The following RIMS2 variants were observed in gnomAD, a reference collection of about 807,000 sequenced individuals.
RIMS2 encodes regulating synaptic membrane exocytosis 2.
RIMS2 carries 59 observed loss-of-function variants against 174.4 expected under a neutral mutation model. The observed-to-expected ratio is 0.34, with a 90% CI of 0.27 to 0.42. RIMS2 has a LOEUF of 0.42. RIMS2 is among the 10% of genes least tolerant of loss of function. The probability of loss-of-function intolerance (pLI) is 1.00; values close to 1 mark genes in which losing one functional copy is unlikely to be tolerated. For missense variants in RIMS2, 1,620 were observed against 1,666.3 expected (o/e 0.97, Z 0.48); for synonymous variants, 606 against 572.5 (o/e 1.06, Z -0.84).
chr8:104,014,651 A>G, intron 19 of RIMS2, 36 bp downstream of exon 21: 1 of 1,302,792 alleles, frequency 7.7e-7, no homozygotes, highest in Non-Finnish European at 1.1e-6. Flanking sequence ...TTTAGGAAAT[A>G]CACATGGAAG....
rs1318446781 is a variant in RIMS2, at chr8:104,072,654, G to GT, written c.3334+58048dup. Among the ~76,000 whole-genome samples, 609 of 151,396 alleles carry GT rather than the reference G, an allele frequency of 4.0e-3. 5 individuals carry two copies. Among genetic ancestry groups the GT allele is most frequent in the African/African-American group, 0.012 (512 of 41,298 alleles). On this transcript the variant is annotated intron_variant, in intron 19 of 23. Transcript: ENST00000504942. ...GTGTGGAATCTAATTGTTAGCCTAGGTTTTTTTTTAAAAACTGTACAGTTC... is the reference window on the plus strand; with the variant it reads ...GTGTGGAATCTAATTGTTAGCCTAGGTTTTTTTTTTAAAAACTGTACAGTTC...
rs79231844 is a variant in RIMS2 at position 104,196,488 on chromosome 8, G to A, written c.3335-48428G>A. Among the ~76,000 whole-genome samples the A allele has an allele frequency of 5.3e-3, 807 of 151,998 alleles. 4 individuals are homozygous for A. Among genetic ancestry groups the A allele is most frequent in the African/African-American group, 0.018 (744 of 41,472 alleles). ...TAGCTTTAATTACATATATCAATTA[G>A]AATTTTTAATTCTTAGTAACCTTAA... On this transcript the variant is annotated intron_variant, in intron 19 of 23. Transcript: ENST00000504942.
chr8:104,072,856 A>G (rs1481293268), intron 19 of RIMS2, among the ~76,000 whole-genome samples: 1 of 152,182 alleles, frequency 6.6e-6, no homozygotes, highest in African/African-American at 2.4e-5. Flanking sequence ...AGAAAACTTG[A>G]AAGAAGAGAG....
chr8:103,689,403 T>A (rs1413538027), intron 1 of RIMS2, among the ~76,000 whole-genome samples: 1 of 151,734 alleles, frequency 6.6e-6, no homozygotes, highest in South Asian at 2.1e-4. Flanking sequence ...AGTCTGATGT[T>A]TCTTTGTTTA....
intron 1 of RIMS2, among the ~76,000 whole-genome samples, chr8:103,575,729 A>G (rs2093181735): frequency 6.6e-6 from 1 of 150,634 alleles, no homozygotes; most frequent in South Asian, 2.1e-4. Flanking sequence ...TATCACCAGT[A>G]ATATCCCAGA....
At chr8:103,671,693 C>T (rs987503347) in intron 1 of RIMS2, among the ~76,000 whole-genome samples, 2 of 152,136 alleles carry the variant, frequency 1.3e-5, no homozygotes, top group African/African-American at 2.4e-5. Flanking sequence ...ATCAAAGACA[C>T]AAGTGAGAAG....
intron 12 of RIMS2, 104 bp downstream of exon 14, chr8:103,931,497 G>T: frequency 1.4e-6 from 1 of 714,042 alleles, no homozygotes; most frequent in Non-Finnish European, 2.1e-6. Flanking sequence ...ATACTAGTGA[G>T]ATATGTGAAG....
intron 17 of RIMS2, among the ~76,000 whole-genome samples, chr8:103,999,455 A>G (rs1297939355): frequency 6.6e-6 from 1 of 151,468 alleles, no homozygotes; most frequent in East Asian, 1.9e-4. Context: ...AATCCTAAAT[A>G]ATTATCTTTT....
At chr8:104,114,799 T>C (rs1489851302) in intron 19 of RIMS2, among the ~76,000 whole-genome samples, 1 of 152,022 alleles carries the variant, frequency 6.6e-6, no homozygotes, top group Non-Finnish European at 1.5e-5. Flanking sequence ...ACAGTATTTT[T>C]ATTCAATTTT....
intron 1 of RIMS2, among the ~76,000 whole-genome samples, chr8:103,510,780 C>T (rs192301343): frequency 5.9e-5 from 9 of 152,144 alleles, no homozygotes; most frequent in Middle Eastern, 3.4e-3. Flanking sequence ...CCAGATATTC[C>T]GGAATAATCT....
intron 19 of RIMS2, among the ~76,000 whole-genome samples, chr8:104,224,066 T>G (rs1374817044): frequency 1.3e-5 from 2 of 152,230 alleles, no homozygotes; most frequent in African/African-American, 4.8e-5. Context: ...GAATGTAAAC[T>G]GGTGGGAGGC....
chr8:104,045,629 TAAA>T (rs1000934633), intron 19 of RIMS2, among the ~76,000 whole-genome samples: 1 of 151,858 alleles, frequency 6.6e-6, no homozygotes, highest in African/African-American at 2.4e-5. Flanking sequence ...GATCTCAACA[TAAA>T]AAATGTTTTG....
At chr8:103,876,238 C>A (rs2099136076) in intron 3 of RIMS2, among the ~76,000 whole-genome samples, 1 of 151,742 alleles carries the variant, frequency 6.6e-6, no homozygotes, top group Non-Finnish European at 1.5e-5. Flanking sequence ...GGTTTTAGAT[C>A]ATATATTTAA....
At chr8:103,930,209 T>G (rs1228933433) in intron 11 of RIMS2, among the ~76,000 whole-genome samples, 1 of 152,070 alleles carries the variant, frequency 6.6e-6, no homozygotes, top group South Asian at 2.1e-4. Flanking sequence ...TTTTATATAC[T>G]TTTTTGGGCT....
chr8:103,989,707 A>G (rs1596495421), intron 17 of RIMS2, among the ~76,000 whole-genome samples: 1 of 152,312 alleles, frequency 6.6e-6, no homozygotes, highest in Admixed American at 6.5e-5. Context: ...AGTGATTATA[A>G]TGTTAATTAT....
intron 1 of RIMS2, among the ~76,000 whole-genome samples, chr8:103,580,744 C>T (rs1349888164): frequency 5.3e-5 from 8 of 151,664 alleles, no homozygotes; most frequent in Non-Finnish European, 1.2e-4. Flanking sequence ...TGCTTCACAG[C>T]TGAATTCTAC....
intron 19 of RIMS2, among the ~76,000 whole-genome samples, chr8:104,230,380 T>C (rs933894241): frequency 2.0e-5 from 3 of 152,064 alleles, no homozygotes; most frequent in South Asian, 2.1e-4. Flanking sequence ...GCGCGGTGGC[T>C]CACGCTTATA....
chr8:104,200,072 A>C (rs989177565), intron 19 of RIMS2, among the ~76,000 whole-genome samples: 3 of 152,184 alleles, frequency 2.0e-5, no homozygotes, highest in African/African-American at 4.8e-5. Context: ...TGGCCCCAGG[A>C]TATAGGAATG....
chr8:103,860,641 A>G (rs1025941516), intron 3 of RIMS2, among the ~76,000 whole-genome samples: 1 of 152,148 alleles, frequency 6.6e-6, no homozygotes, highest in African/African-American at 2.4e-5. Flanking sequence ...GCTTAGTGAA[A>G]GAGTGCATAC....
Sources: gnomAD v4.1 joint callset for allele counts (sites outside exome capture counted in the v4.1 genomes callset) on GRCh38, gnomAD v4.1.1 for gene constraint, MANE v1.5 for transcripts, NCBI Gene and HGNC (gene_info 2026-07-23, HGNC 2026-07-21) for gene names.